Variants in SLC7A11 observed in about 807,000 individuals in gnomAD.
SLC7A11 encodes cystine/glutamate transporter.
A neutral mutation model predicts 54.5 loss-of-function variants in SLC7A11; 35 were observed. The ratio of observed to expected loss-of-function variants is 0.64; its 90% CI spans 0.49 to 0.85. The LOEUF (loss-of-function observed/expected upper bound fraction) is 0.85. SLC7A11 is among the 40% of genes least tolerant of loss of function. SLC7A11 has a pLI of 0.00. For synonymous variants in SLC7A11, 230 were observed against 225.2 expected (o/e 1.02, Z -0.19); for missense variants, 583 against 618.1 (o/e 0.94, Z 0.60).
At chr4:138,191,414 A>C (rs980017469) in intron 6 of SLC7A11, among the ~76,000 whole-genome samples, 14 of 152,150 alleles carry the variant, frequency 9.2e-5, no homozygotes, top group Admixed American at 3.9e-4. Flanking sequence ...AGACAGAGAG[A>C]CCTGTAGGGA....
In SLC7A11 at chr4:138,165,026, A is replaced by G. The variant is rs1203472916; in HGVS notation, c.*6930T>C. 1 of 152,342 alleles carries G rather than the reference A, an allele frequency of 6.6e-6. No homozygotes were observed. The highest frequency in any genetic ancestry group is 1.5e-5 in the Non-Finnish European group (1 of 68,020). The allele number at this position is 152,342 out of a possible 1,614,324, so 9.4% of individuals were successfully genotyped here. A position where few individuals can be genotyped will look rare whatever the true frequency, so the allele number is the denominator to read the frequency against. On this transcript the variant is annotated 3_prime_UTR_variant, in exon 12 of 12. Coordinates refer to ENST00000280612, the MANE Select transcript of SLC7A11 (RefSeq NM_014331.4). ...GTTGCAAATTATAAATGCTTGTCAC[A>G]GAATATGAAAAATATTTAAATACAT... is the stretch of plus-strand genomic sequence containing the variant.
chr4:138,227,699 A>G (rs1304177708), intron 3 of SLC7A11, among the ~76,000 whole-genome samples: 1 of 152,174 alleles, frequency 6.6e-6, no homozygotes, highest in Non-Finnish European at 1.5e-5. Flanking sequence ...CCCAGGCAAC[A>G]ATGAGGAAGT....
intron 1 of SLC7A11, among the ~76,000 whole-genome samples, chr4:138,237,729 ATATATATATTTTTTTTTTT>A (rs1738262204): frequency 2.9e-4 from 3 of 10,308 alleles, no homozygotes; most frequent in East Asian, 3.5e-3. Flanking sequence ...ATATATATAT[ATATATATATTTTTTTTTTT>A]TTTTTTTTTT....
chr4:138,193,342 T>A (rs1388882542), intron 6 of SLC7A11, among the ~76,000 whole-genome samples: 2 of 152,252 alleles, frequency 1.3e-5, no homozygotes, highest in Middle Eastern at 3.4e-3. Flanking sequence ...TCTCACTCAT[T>A]TCAACCAGAT....
At position 138,219,262 on chromosome 4, in the gene SLC7A11, T is replaced by C. The variant is rs369523121; in HGVS notation, c.746+4A>G. On this transcript the variant is annotated splice_donor_region_variant and intron_variant, in intron 5 of 11. Coordinates refer to ENST00000280612, the MANE Select transcript of SLC7A11 (RefSeq NM_014331.4). ...AACCACCAGATCTGGAGCTATCAAC[T>C]TACCAGCCAGCATATGCATACATTC... 97 of 1,542,502 alleles carry C rather than the reference T, an allele frequency of 6.3e-5. No homozygotes were observed. The highest frequency in any genetic ancestry group is 3.4e-4 in the Middle Eastern group (2 of 5,946).
intron 4 of SLC7A11, among the ~76,000 whole-genome samples, chr4:138,222,089 C>G (rs540778595): frequency 1.4e-4 from 21 of 152,202 alleles, no homozygotes; most frequent in Non-Finnish European, 2.4e-4. Flanking sequence ...CAAGCTCTAA[C>G]GGTCAAAATC....
At chr4:138,206,685 T>C (rs1052963492) in intron 6 of SLC7A11, among the ~76,000 whole-genome samples, 22 of 151,870 alleles carry the variant, frequency 1.4e-4, no homozygotes, top group Non-Finnish European at 1.5e-5. Context: ...TTCAGCCTTA[T>C]ATGAACAAAC....
At chr4:138,174,172 T>C (rs1736507408) in intron 11 of SLC7A11, among the ~76,000 whole-genome samples, 1 of 152,126 alleles carries the variant, frequency 6.6e-6, no homozygotes, top group South Asian at 2.1e-4. Context: ...TCCAAAAATG[T>C]TTCTCTATAT....
chr4:138,199,538 C>T (rs1427710636), intron 6 of SLC7A11, among the ~76,000 whole-genome samples: 1 of 152,054 alleles, frequency 6.6e-6, no homozygotes, highest in Non-Finnish European at 1.5e-5. Flanking sequence ...ATGAGAAATA[C>T]TGAAACAGGA....
intron 5 of SLC7A11, among the ~76,000 whole-genome samples, chr4:138,216,037 C>T (rs373326053): frequency 1.4e-4 from 21 of 152,170 alleles, no homozygotes; most frequent in African/African-American, 5.1e-4. Context: ...TGTTTTAGTC[C>T]AAACATTCAC....
intron 3 of SLC7A11, among the ~76,000 whole-genome samples, chr4:138,228,200 C>G (rs1222341132): frequency 6.6e-6 from 1 of 151,896 alleles, no homozygotes; most frequent in Non-Finnish European, 1.5e-5. Flanking sequence ...GGGTTCTTAA[C>G]TCATCTTTAT....
At chr4:138,239,672 T>C (rs995406301) in intron 1 of SLC7A11, among the ~76,000 whole-genome samples, 1 of 135,950 alleles carries the variant, frequency 7.4e-6, no homozygotes, top group Non-Finnish European at 1.5e-5. Context: ...TGTTTCTCTC[T>C]TTTTATTTTT....
intron 2 of SLC7A11, among the ~76,000 whole-genome samples, chr4:138,234,561 T>C (rs1166745644): frequency 6.8e-6 from 1 of 146,678 alleles, no homozygotes; most frequent in African/African-American, 2.5e-5. Context: ...CAGAGAAAAG[T>C]AGTTTTTTTT....
chr4:138,226,901 C>T (rs1205368154), intron 3 of SLC7A11, among the ~76,000 whole-genome samples: 1 of 151,928 alleles, frequency 6.6e-6, no homozygotes, highest in Non-Finnish European at 1.5e-5. Flanking sequence ...TAAATTTTAC[C>T]AAAATAAAAA....
chr4:138,202,586 A>AT (rs1737313273), intron 6 of SLC7A11, among the ~76,000 whole-genome samples: 1 of 151,924 alleles, frequency 6.6e-6, no homozygotes, highest in Non-Finnish European at 1.5e-5. Context: ...TTCTGTTTAC[A>AT]TTTCCACCCT....
chr4:138,171,892 G>T lies in SLC7A11; in HGVS notation c.*64C>A. ...GTAATTCTCTAGACTTTCAGAAAATGAAGTAAAAATCCCTATTTTGTGTCT... is the reference window on the plus strand; with the variant it reads ...GTAATTCTCTAGACTTTCAGAAAATTAAGTAAAAATCCCTATTTTGTGTCT... On this transcript the variant is annotated 3_prime_UTR_variant, in exon 12 of 12. Coordinates refer to ENST00000280612, the MANE Select transcript of SLC7A11 (RefSeq NM_014331.4). The T allele has an allele frequency of 6.5e-7, 1 of 1,545,036 alleles. No individual in the cohort carries two copies. The highest frequency in any genetic ancestry group is 2.4e-5 in the East Asian group (1 of 41,126).
At chr4:138,199,703 C>T (rs1737230886) in intron 6 of SLC7A11, among the ~76,000 whole-genome samples, 1 of 152,050 alleles carries the variant, frequency 6.6e-6, no homozygotes, top group Non-Finnish European at 1.5e-5. Flanking sequence ...ACAGGAAATA[C>T]CTGCCCTGCC....
At chr4:138,195,970 T>C (rs1737121747) in intron 6 of SLC7A11, among the ~76,000 whole-genome samples, 1 of 152,216 alleles carries the variant, frequency 6.6e-6, no homozygotes, top group Admixed American at 6.5e-5. Flanking sequence ...TTTTTTATTA[T>C]TTTTATTTTT....
At position 138,241,950 on chromosome 4, in the gene SLC7A11, C is replaced by G. The variant is rs762385216; in HGVS notation, c.120G>C (p.Leu40=). Residue 40 remains leucine (L), a synonymous_variant, in exon 1 of 12, where the codon CTG becomes CTC. Coordinates refer to ENST00000280612, the MANE Select transcript of SLC7A11 (RefSeq NM_014331.4). ...KEPPGQEKVQ[L]KRKVTLLRGV... Reference sequence around the variant, plus strand: ...CCCTCAGTAAAGTGACTTTCCTCTTCAGCTGCACTTTCTCCTGCCCAGGTG... The same window carrying G: ...CCCTCAGTAAAGTGACTTTCCTCTTGAGCTGCACTTTCTCCTGCCCAGGTG... 6.2e-7 allele frequency: 1 copy of G among 1,614,156 alleles called. No individual in the cohort carries two copies. The highest frequency in any genetic ancestry group is 8.5e-7 in the Non-Finnish European group (1 of 1,180,036).
Sources: gnomAD v4.1 joint callset for allele counts (sites outside exome capture counted in the v4.1 genomes callset) on GRCh38, gnomAD v4.1.1 for gene constraint, MANE v1.5 for transcripts, NCBI Gene and HGNC (gene_info 2026-07-23, HGNC 2026-07-21) for gene names.